REV1: variants seen among roughly 807,000 people sequenced by gnomAD.
The protein encoded by REV1 is translesion synthesis protein REV1.
In REV1, 42 loss-of-function variants were observed where a neutral mutation model predicts 137.4. That is an observed-to-expected ratio of 0.31 (90% CI 0.24 to 0.40). REV1 has a LOEUF of 0.40. Among genes scored for constraint, REV1 ranks in the 10% least tolerant of loss-of-function variants. The pLI, the probability that REV1 is intolerant of heterozygous loss-of-function variation, is 1.00. For missense variants in REV1, 1,282 were observed against 1,490.1 expected, an observed-to-expected ratio of 0.86 and a Z score of 2.30; for synonymous variants, 524 against 519.2, an observed-to-expected ratio of 1.01 and a Z score of -0.12.
At position 99,401,050 on chromosome 2, in the gene REV1, A is replaced by G. The variant is rs1482770454; in HGVS notation, c.*191T>C. Reference sequence around the variant, plus strand: ...GTAAATAGAATCTATGCTACAGTAAAATAATTAACACAATTATTTACATGC... The same window carrying G: ...GTAAATAGAATCTATGCTACAGTAAGATAATTAACACAATTATTTACATGC... On this transcript the variant is annotated 3_prime_UTR_variant, in exon 23 of 23. Coordinates refer to ENST00000258428, the MANE Select transcript of REV1 (RefSeq NM_016316.4). The G allele has an allele frequency of 2.4e-6, 1 of 413,248 alleles. No homozygotes were observed. The highest frequency in any genetic ancestry group is 3.7e-5 in the East Asian group (1 of 26,886). 25.6% of individuals were successfully genotyped at this position (413,248 alleles called of 1,614,324 possible). A position where few individuals can be genotyped will look rare whatever the true frequency, so the allele number is the denominator to read the frequency against.
At chr2:99,423,887 GA>G (rs1275310024) in intron 10 of REV1, among the ~76,000 whole-genome samples, 2 of 152,146 alleles carry the variant, frequency 1.3e-5, no homozygotes, top group Non-Finnish European at 2.9e-5. Context: ...CCACAGACTA[GA>G]AGTAATATAA....
chr2:99,404,365 G>T, intron 18 of REV1, 79 bp downstream of exon 18: 1 of 1,177,950 alleles, frequency 8.5e-7, no homozygotes, highest in Admixed American at 1.8e-5. Context: ...AGGAGAAAGG[G>T]AAGTGAGACA....
At chr2:99,476,146 A>G (rs1685947883) in intron 1 of REV1, among the ~76,000 whole-genome samples, 1 of 152,242 alleles carries the variant, frequency 6.6e-6, no homozygotes, top group South Asian at 2.1e-4. Flanking sequence ...GCTGTGCAGT[A>G]AGAATCCTAA....
chr2:99,439,238 T>C lies in REV1; in HGVS notation c.576A>G (p.Glu192=). Residue 192 remains glutamate (E), a synonymous_variant, in exon 6 of 23, where the codon GAA becomes GAG. Transcript: ENST00000258428. ...KVNGMNSWNE[E]DENNDFSFVD... ...CAAAACTAAAATCATTATTTTCATCTTCTTCATTCCAACTGTTCATGCCAT... is the reference window on the plus strand; with the variant it reads ...CAAAACTAAAATCATTATTTTCATCCTCTTCATTCCAACTGTTCATGCCAT... 1.2e-6 allele frequency: 2 copies of C among 1,614,188 alleles called. No individual in the cohort carries two copies. The highest frequency in any genetic ancestry group is 1.7e-6 in the Non-Finnish European group (2 of 1,180,004).
At chr2:99,472,630 G>T (rs1326330565) in intron 1 of REV1, among the ~76,000 whole-genome samples, 5 of 152,352 alleles carry the variant, frequency 3.3e-5, no homozygotes, top group South Asian at 4.1e-4. Flanking sequence ...TTCAGGTGGG[G>T]TGCAAAGCTG....
intron 1 of REV1, among the ~76,000 whole-genome samples, chr2:99,478,190 T>TCA (rs1390634271): frequency 6.6e-6 from 1 of 152,248 alleles, no homozygotes; most frequent in Admixed American, 6.5e-5. Context: ...GAAACTGAGA[T>TCA]CACACCACTG....
At chr2:99,428,970 T>C (rs1049929720) in intron 9 of REV1, among the ~76,000 whole-genome samples, 7 of 135,088 alleles carry the variant, frequency 5.2e-5, no homozygotes, top group African/African-American at 1.1e-4. Context: ...CCAGCCTGGG[T>C]GACAGAGCGA....
At chr2:99,456,948 T>C (rs1385171564) in intron 3 of REV1, among the ~76,000 whole-genome samples, 3 of 152,162 alleles carry the variant, frequency 2.0e-5, no homozygotes, top group Non-Finnish European at 4.4e-5. Context: ...GAACATGAGG[T>C]TGAAAATGTA....
intron 1 of REV1, among the ~76,000 whole-genome samples, chr2:99,475,672 G>C (rs922942775): frequency 2.7e-5 from 4 of 149,610 alleles, no homozygotes; most frequent in Non-Finnish European, 6.0e-5. Context: ...GGGTGACAAA[G>C]CAACACTCTG....
intron 6 of REV1, 93 bp from the exon 7 acceptor site, chr2:99,436,034 T>A (rs1258358674): frequency 5.2e-6 from 4 of 763,004 alleles, no homozygotes; most frequent in Non-Finnish European, 9.0e-6. Flanking sequence ...ATTTAAAACA[T>A]GCTTACACCC....
At chr2:99,437,948 TTA>T (rs1468525080) in intron 6 of REV1, among the ~76,000 whole-genome samples, 3 of 152,132 alleles carry the variant, frequency 2.0e-5, no homozygotes, top group African/African-American at 4.8e-5. Context: ...CAGCTATAAA[TTA>T]TAGAGTATTA....
chr2:99,451,321 T>C, intron 3 of REV1: 1 of 1,198,542 alleles, frequency 8.3e-7, no homozygotes, highest in Non-Finnish European at 1.1e-6. Context: ...TAACTTTCCA[T>C]ATACATACTC....
intron 3 of REV1, among the ~76,000 whole-genome samples, chr2:99,459,675 C>G (rs553208267): frequency 6.6e-6 from 1 of 152,182 alleles, no homozygotes; most frequent in Non-Finnish European, 1.5e-5. Context: ...CACTGCACTA[C>G]AGCCTGGGTG....
intron 9 of REV1, among the ~76,000 whole-genome samples, chr2:99,426,036 C>CA (rs1212360952): frequency 6.7e-6 from 1 of 148,552 alleles, no homozygotes; most frequent in Non-Finnish European, 1.5e-5. Flanking sequence ...AACTCCATCT[C>CA]AAAAAAAGAA....
At chr2:99,417,660 G>C (rs1016760478) in intron 12 of REV1, among the ~76,000 whole-genome samples, 6 of 152,130 alleles carry the variant, frequency 3.9e-5, no homozygotes, top group South Asian at 2.1e-4. Context: ...CTGACACCTT[G>C]ATCTTGAACT....
chr2:99,484,307 G>A (rs1372974564), intron 1 of REV1, among the ~76,000 whole-genome samples: 2 of 151,954 alleles, frequency 1.3e-5, no homozygotes, highest in Non-Finnish European at 1.5e-5. Context: ...GAAACAATCT[G>A]TACAACAAAC....
intron 13 of REV1, 37 bp downstream of exon 13, chr2:99,412,694 G>C (rs754125327): frequency 8.1e-6 from 12 of 1,479,144 alleles, no homozygotes; most frequent in Non-Finnish European, 1.1e-5. Context: ...AAAATATAAA[G>C]AGCAACAGAT....
intron 2 of REV1, among the ~76,000 whole-genome samples, chr2:99,464,680 C>A (rs1684604620): frequency 6.6e-6 from 1 of 152,074 alleles, no homozygotes. Context: ...GCAATAAAAT[C>A]ATCATATAGT....
At chr2:99,414,318 C>A (rs374073679) in intron 12 of REV1, among the ~76,000 whole-genome samples, 2 of 152,316 alleles carry the variant, frequency 1.3e-5, no homozygotes, top group East Asian at 1.9e-4. Flanking sequence ...GTGGGTCAGA[C>A]AAGTTTAAAC....
Sources: gnomAD v4.1 joint callset for allele counts (sites outside exome capture counted in the v4.1 genomes callset) on GRCh38, gnomAD v4.1.1 for gene constraint, MANE v1.5 for transcripts, NCBI Gene and HGNC (gene_info 2026-07-23, HGNC 2026-07-21) for gene names.